Variants in TESK2 observed in about 807,000 individuals in gnomAD.
TESK2 encodes testis associated actin remodelling kinase 2.
Under a neutral mutation model 57.1 loss-of-function variants are expected in TESK2, and 39 were observed. The observed-to-expected ratio is 0.68, with a 90% CI of 0.53 to 0.89. The LOEUF (loss-of-function observed/expected upper bound fraction) is 0.89. Ranked by LOEUF, TESK2 falls within the 40% of genes least tolerant of loss-of-function variation. The pLI, the probability that TESK2 is intolerant of heterozygous loss-of-function variation, is 0.00. For missense variants in TESK2, 646 were observed against 732.1 expected (o/e 0.88, Z 1.36); for synonymous variants, 249 against 267.9 (o/e 0.93, Z 0.69).
chr1:45,399,244 G>T (rs915985598), intron 3 of TESK2, among the ~76,000 whole-genome samples: 7 of 150,426 alleles, frequency 4.7e-5, no homozygotes, highest in Admixed American at 1.3e-4. Context: ...CACTTCCTGG[G>T]CTCAAGCGAT....
intron 2 of TESK2, among the ~76,000 whole-genome samples, chr1:45,453,331 G>A (rs2149298336): frequency 8.1e-6 from 1 of 124,080 alleles, no homozygotes; most frequent in East Asian, 2.4e-4. Flanking sequence ...AACAGAATGA[G>A]ACCCTGTCTC....
chr1:45,350,824 T>C (rs555464593), intron 5 of TESK2, among the ~76,000 whole-genome samples: 39 of 152,178 alleles, frequency 2.6e-4, no homozygotes, highest in Non-Finnish European at 5.4e-4. Flanking sequence ...ACAGCATAAA[T>C]AGTTCCCAGA....
At chr1:45,372,101 A>G (rs925708158) in intron 4 of TESK2, among the ~76,000 whole-genome samples, 5 of 151,808 alleles carry the variant, frequency 3.3e-5, no homozygotes, top group African/African-American at 1.2e-4. Flanking sequence ...ATAAAAAATT[A>G]GCCAGATGTG....
chr1:45,346,989 G>C lies in TESK2; in HGVS notation c.782C>G (p.Pro261Arg), dbSNP rs1168882387. The C allele has an allele frequency of 1.2e-6, 2 of 1,614,180 alleles. No homozygotes were observed. Among genetic ancestry groups the C allele is most frequent in the Admixed American group, 3.3e-5 (2 of 60,014 alleles). ...ARIQADPDYL[P>R]RTENFGLDYD... Reference sequence around the variant, plus strand: ...ATGCTTGCAGCTCACCTCTGTGCGGGGAAGATAGTCCGGATCGGCCTGGAT... The same window carrying C: ...ATGCTTGCAGCTCACCTCTGTGCGGCGAAGATAGTCCGGATCGGCCTGGAT... Residue 261 changes from proline to arginine, a missense_variant, in exon 8 of 11, where the codon CCC (proline) becomes CGC (arginine). Coordinates refer to ENST00000372086, the MANE Select transcript of TESK2 (RefSeq NM_007170.3).
At chr1:45,370,033 C>CA (rs1376908574) in intron 4 of TESK2, among the ~76,000 whole-genome samples, 2 of 151,976 alleles carry the variant, frequency 1.3e-5, no homozygotes, top group Non-Finnish European at 2.9e-5. Context: ...TTCTATAGGA[C>CA]AGAGGGAAAG....
At chr1:45,359,450 C>G (rs947609716) in intron 4 of TESK2, among the ~76,000 whole-genome samples, 3 of 151,936 alleles carry the variant, frequency 2.0e-5, no homozygotes, top group African/African-American at 4.8e-5. Context: ...ATCCCAGCTA[C>G]TCGGGAGGCT....
At chr1:45,421,616 T>C (rs3790582) in intron 3 of TESK2, 109 bp downstream of exon 3, 366,689 of 1,461,170 alleles carry the variant, frequency 0.25, 46,815 homozygotes, top group East Asian at 0.35. Flanking sequence ...GCAAGATAGA[T>C]TCAGCATGAT....
At chr1:45,417,525 T>G (rs1432690423) in intron 3 of TESK2, among the ~76,000 whole-genome samples, 1 of 152,198 alleles carries the variant, frequency 6.6e-6, no homozygotes, top group East Asian at 1.9e-4. Context: ...ATTTGTCTAT[T>G]TTTGCTTTTG....
chr1:45,409,772 T>C (rs1422710030), intron 3 of TESK2, among the ~76,000 whole-genome samples: 1 of 152,040 alleles, frequency 6.6e-6, no homozygotes, highest in Non-Finnish European at 1.5e-5. Context: ...AAGTGATGGA[T>C]GAATGGTGGG....
intron 3 of TESK2, among the ~76,000 whole-genome samples, chr1:45,406,770 G>A (rs1377451570): frequency 6.6e-6 from 1 of 152,050 alleles, no homozygotes; most frequent in African/African-American, 2.4e-5. Context: ...GCCTCCTTAA[G>A]TAACTTAAGT....
intron 4 of TESK2, among the ~76,000 whole-genome samples, chr1:45,383,667 C>T (rs181205444): frequency 8.5e-5 from 13 of 152,308 alleles, no homozygotes; most frequent in African/African-American, 3.1e-4. Context: ...AATTAACACA[C>T]CAGCCCTTCC....
At chr1:45,401,016 ACT>A (rs1342022927) in intron 3 of TESK2, among the ~76,000 whole-genome samples, 3 of 122,606 alleles carry the variant, frequency 2.4e-5, no homozygotes, top group Non-Finnish European at 3.6e-5. Flanking sequence ...ACAGAGCGAG[ACT>A]CTGTCTTAAA....
At chr1:45,403,151 C>T (rs1649697690) in intron 3 of TESK2, among the ~76,000 whole-genome samples, 1 of 149,630 alleles carries the variant, frequency 6.7e-6, no homozygotes, top group Non-Finnish European at 1.5e-5. Flanking sequence ...GGGTGTGGGG[C>T]ACGCCTGTGG....
intron 3 of TESK2, among the ~76,000 whole-genome samples, chr1:45,410,294 C>T (rs1308420539): frequency 2.0e-5 from 3 of 151,498 alleles, no homozygotes; most frequent in Admixed American, 1.3e-4. Flanking sequence ...TTTTTTTCAA[C>T]CTTCAACAGA....
intron 5 of TESK2, among the ~76,000 whole-genome samples, chr1:45,348,352 C>T (rs867143792): frequency 6.6e-6 from 1 of 152,244 alleles, no homozygotes; most frequent in African/African-American, 2.4e-5. Flanking sequence ...GAACAACAGA[C>T]TATCAGGCCC....
intron 1 of TESK2, among the ~76,000 whole-genome samples, chr1:45,478,106 C>T (rs1327428634): frequency 6.6e-6 from 1 of 152,204 alleles, no homozygotes; most frequent in African/African-American, 2.4e-5. Context: ...CATCTATGTC[C>T]ATTCCTCTAT....
chr1:45,484,507 G>A (rs183439908), intron 1 of TESK2, among the ~76,000 whole-genome samples: 5 of 151,728 alleles, frequency 3.3e-5, no homozygotes, highest in South Asian at 2.1e-4. Flanking sequence ...AGGCTGAGGC[G>A]GGCAGATCAC....
intron 4 of TESK2, among the ~76,000 whole-genome samples, chr1:45,379,563 T>C (rs1189750248): frequency 6.6e-6 from 1 of 152,156 alleles, no homozygotes; most frequent in Non-Finnish European, 1.5e-5. Context: ...TTCTTATAAG[T>C]CTGACAAAAC....
At chr1:45,384,643 G>C (rs529450084) in intron 4 of TESK2, among the ~76,000 whole-genome samples, 1 of 104,140 alleles carries the variant, frequency 9.6e-6, no homozygotes, top group African/African-American at 3.8e-5. Context: ...ACAGAGCCTT[G>C]CTATGTTGCC....
Sources: gnomAD v4.1 joint callset for allele counts (sites outside exome capture counted in the v4.1 genomes callset) on GRCh38, gnomAD v4.1.1 for gene constraint, MANE v1.5 for transcripts, NCBI Gene and HGNC (gene_info 2026-07-23, HGNC 2026-07-21) for gene names.